The following CDK13 variants were observed in gnomAD, a reference collection of about 807,000 sequenced individuals.
CDK13 encodes cyclin dependent kinase 13.
In CDK13, 40 loss-of-function variants were observed where a neutral mutation model predicts 137.6. That is an observed-to-expected ratio of 0.29 (90% confidence interval 0.23 to 0.38). CDK13 has a LOEUF of 0.38. Among genes scored for constraint, CDK13 ranks in the 10% least tolerant of loss-of-function variants. The pLI, the probability that CDK13 is intolerant of heterozygous loss-of-function variation, is 1.00. For synonymous variants in CDK13, 869 were observed against 760.1 expected (o/e 1.14, Z -2.36); for missense variants, 1,704 against 1,951.8 (o/e 0.87, Z 2.39).
chr7:40,047,890 T>G lies in CDK13; in HGVS notation c.2600+13T>G. 6.4e-7 allele frequency: 1 copy of G among 1,568,308 alleles called. No individual in the cohort carries two copies. Among genetic ancestry groups the G allele is most frequent in the Non-Finnish European group, 8.8e-7 (1 of 1,139,130 alleles). On this transcript the variant is annotated intron_variant, in intron 7 of 13. Coordinates refer to ENST00000181839, the MANE Select transcript of CDK13 (RefSeq NM_003718.5). ...GCTCAGAAGAAAGGTAAGCATACCT[T>G]CAAATGAATATTGTAGATACTAGAG...
At chr7:40,026,980 G>A (rs868219579) in intron 5 of CDK13, among the ~76,000 whole-genome samples, 20 of 151,804 alleles carry the variant, frequency 1.3e-4, no homozygotes, top group Middle Eastern at 3.4e-3. Flanking sequence ...AATGCTAACC[G>A]TGTATGTAAA....
At chr7:40,069,189 T>G (rs1474474394) in intron 9 of CDK13, 1 of 383,838 alleles carries the variant, frequency 2.6e-6, no homozygotes, top group African/African-American at 2.1e-5. Context: ...GAACTGTGAT[T>G]GCACCACTGC....
rs1785807182 is a variant in CDK13, at chr7:40,048,706, ATTTAATCTTTGC to A, written c.2600+833_2600+844del. ...GTCTTAGGAATAGATGTTTACTTTCATTTAATCTTTGCTTTTTTTGGTTAAAGCAATAAACAA... is the reference window on the plus strand; with the variant it reads ...GTCTTAGGAATAGATGTTTACTTTCATTTTTTTGGTTAAAGCAATAAACAA... On this transcript the variant is annotated intron_variant, in intron 7 of 13. Coordinates refer to ENST00000181839, the MANE Select transcript of CDK13 (RefSeq NM_003718.5). 2 of 151,086 alleles carry A rather than the reference ATTTAATCTTTGC, an allele frequency of 1.3e-5. 1 individual carries two copies. The highest frequency in any genetic ancestry group is 4.9e-5 in the African/African-American group (2 of 40,446). The allele number at this position is 151,086 out of a possible 1,614,324, so 9.4% of individuals were successfully genotyped here. A position where few individuals can be genotyped will look rare whatever the true frequency, so the allele number is the denominator to read the frequency against.
intron 11 of CDK13, among the ~76,000 whole-genome samples, chr7:40,081,404 G>C (rs1786659793): frequency 6.6e-6 from 1 of 152,076 alleles, no homozygotes; most frequent in Non-Finnish European, 1.5e-5. Flanking sequence ...CAAGTGGAAA[G>C]CAACTATCAT....
chr7:39,971,767 C>T (rs916884179), intron 1 of CDK13, among the ~76,000 whole-genome samples: 2 of 152,070 alleles, frequency 1.3e-5, no homozygotes, highest in African/African-American at 4.8e-5. Context: ...CCTATAGTCC[C>T]AGCTACTTGG....
At chr7:40,054,414 A>G (rs1785964724) in intron 7 of CDK13, among the ~76,000 whole-genome samples, 2 of 152,032 alleles carry the variant, frequency 1.3e-5, no homozygotes, top group Non-Finnish European at 2.9e-5. Flanking sequence ...TTCCCATGAA[A>G]GTTATATTAA....
intron 7 of CDK13, chr7:40,062,192 T>A (rs1160650084): frequency 6.6e-6 from 1 of 152,230 alleles, no homozygotes; most frequent in Non-Finnish European, 1.5e-5. Flanking sequence ...AATCAGTTAA[T>A]CCCATTAAAG....
At chr7:40,030,865 A>G (rs1347426235) in intron 5 of CDK13, among the ~76,000 whole-genome samples, 1 of 151,896 alleles carries the variant, frequency 6.6e-6, no homozygotes, top group Non-Finnish European at 1.5e-5. Context: ...TTATTTTTTC[A>G]CTCAAAATAT....
intron 5 of CDK13, among the ~76,000 whole-genome samples, chr7:40,010,182 T>G (rs1784866981): frequency 1.3e-5 from 2 of 152,146 alleles, no homozygotes; most frequent in South Asian, 4.1e-4. Flanking sequence ...TGAGCTTGTT[T>G]TCCTGCAACT....
chr7:40,001,060 A>G (rs1224999017), intron 4 of CDK13, among the ~76,000 whole-genome samples: 1 of 152,178 alleles, frequency 6.6e-6, no homozygotes, highest in African/African-American at 2.4e-5. Flanking sequence ...GGTTTGGTCA[A>G]GTAATATGTC....
chr7:40,018,575 C>G (rs1268270721), intron 5 of CDK13, among the ~76,000 whole-genome samples: 1 of 152,020 alleles, frequency 6.6e-6, no homozygotes, highest in African/African-American at 2.4e-5. Flanking sequence ...TACTACTCAG[C>G]CATAAAAAAG....
At chr7:39,981,940 C>T (rs6970838) in intron 1 of CDK13, among the ~76,000 whole-genome samples, 52,111 of 149,772 alleles carry the variant, frequency 0.35, 10,268 homozygotes, top group East Asian at 0.51. Flanking sequence ...CACAGGCGCC[C>T]GCCACTACGC....
intron 11 of CDK13, among the ~76,000 whole-genome samples, chr7:40,086,915 C>T (rs1457765594): frequency 6.6e-6 from 1 of 150,586 alleles, no homozygotes; most frequent in African/African-American, 2.4e-5. Context: ...TGGGCTGAAG[C>T]CATCCTCCCA....
chr7:40,069,234 CA>C (rs572069801), intron 9 of CDK13: 4 of 431,044 alleles, frequency 9.3e-6, no homozygotes, highest in Admixed American at 2.6e-5. Flanking sequence ...GACCTTGTCT[CA>C]AAAAAACAGA....
intron 7 of CDK13, chr7:40,048,083 TC>T: frequency 2.6e-6 from 1 of 383,694 alleles, no homozygotes; most frequent in Non-Finnish European, 4.6e-6. Flanking sequence ...AAATTGATCT[TC>T]AACAGGTAAA....
intron 1 of CDK13, 27 bp from the exon 2 acceptor site, chr7:39,987,572 G>A: frequency 6.5e-7 from 1 of 1,533,506 alleles, no homozygotes. Flanking sequence ...CTCAATTACT[G>A]ATTAAATCTT....
At chr7:40,081,134 T>C (rs1786654717) in intron 11 of CDK13, among the ~76,000 whole-genome samples, 1 of 152,214 alleles carries the variant, frequency 6.6e-6, no homozygotes, top group African/African-American at 2.4e-5. Flanking sequence ...GCTAGCTCTT[T>C]GGTAAAATAT....
At chr7:40,057,361 GAGA>G (rs1024024242) in intron 7 of CDK13, among the ~76,000 whole-genome samples, 5 of 152,202 alleles carry the variant, frequency 3.3e-5, no homozygotes, top group African/African-American at 4.8e-5. Context: ...CAGCTATTCA[GAGA>G]AGAAGACTGG....
At chr7:40,000,162 G>C (rs1199479751) in intron 4 of CDK13, among the ~76,000 whole-genome samples, 1 of 152,046 alleles carries the variant, frequency 6.6e-6, no homozygotes, top group Non-Finnish European at 1.5e-5. Flanking sequence ...GATCACCTAA[G>C]GCCAGGAGTT....
Sources: allele counts gnomAD v4.1 joint callset (sites outside exome capture counted in the v4.1 genomes callset), GRCh38; gene constraint gnomAD v4.1.1; transcripts MANE v1.5; gene names NCBI Gene and HGNC (gene_info 2026-07-23, HGNC 2026-07-21).